The following ST6GALNAC3 variants were observed in gnomAD, a reference collection of about 807,000 sequenced individuals.
ST6GALNAC3 encodes the protein ST6 N-acetylgalactosaminide alpha-2,6-sialyltransferase 3.
Under a neutral mutation model 32.7 loss-of-function variants are expected in ST6GALNAC3, and 25 were observed. The ratio of observed to expected loss-of-function variants is 0.76; its 90% CI spans 0.56 to 1.07. The LOEUF (loss-of-function observed/expected upper bound fraction) is 1.07, where lower values mean the gene tolerates loss of function less well. ST6GALNAC3 is among the 50% of genes least tolerant of loss of function. The probability of loss-of-function intolerance (pLI) is 0.00; values close to 1 mark genes in which losing one functional copy is unlikely to be tolerated. For missense variants in ST6GALNAC3, 355 were observed against 382.4 expected (o/e 0.93, Z 0.60); for synonymous variants, 129 against 133.1 (o/e 0.97, Z 0.21).
intron 3 of ST6GALNAC3, among the ~76,000 whole-genome samples, chr1:76,457,381 A>G (rs534081442): frequency 1.6e-4 from 25 of 152,278 alleles, no homozygotes; most frequent in Admixed American, 1.0e-3. Flanking sequence ...ACCAAAAAGG[A>G]GCCCGCATCG....
chr1:76,426,825 A>G (rs769086890), intron 3 of ST6GALNAC3, among the ~76,000 whole-genome samples: 10 of 151,954 alleles, frequency 6.6e-5, no homozygotes, highest in Admixed American at 2.0e-4. Flanking sequence ...TCAGTTGGCT[A>G]TAGGAATTTT....
chr1:76,075,132 C>A (rs1282867521), intron 1 of ST6GALNAC3, among the ~76,000 whole-genome samples: 2 of 152,204 alleles, frequency 1.3e-5, no homozygotes, highest in East Asian at 3.9e-4. Context: ...ACTGTTGGCT[C>A]CAGGGGAGAG....
intron 1 of ST6GALNAC3, among the ~76,000 whole-genome samples, chr1:76,151,470 T>C (rs76682610): frequency 2.0e-3 from 297 of 152,222 alleles, no homozygotes; most frequent in African/African-American, 6.9e-3. Context: ...AGAGGCAGGA[T>C]TCCAGTGTAC....
chr1:76,426,585 A>C (rs1404819169), intron 3 of ST6GALNAC3, among the ~76,000 whole-genome samples: 2 of 151,396 alleles, frequency 1.3e-5, no homozygotes, highest in African/African-American at 2.4e-5. Flanking sequence ...ATATATAGGG[A>C]GAGAGAGAAA....
At chr1:76,182,540 G>A (rs751425497) in intron 1 of ST6GALNAC3, among the ~76,000 whole-genome samples, 1 of 152,118 alleles carries the variant, frequency 6.6e-6, no homozygotes, top group Non-Finnish European at 1.5e-5. Context: ...TGTGTGTGTT[G>A]TGGGGGGTAT....
At chr1:76,133,658 T>C (rs1557643474) in intron 1 of ST6GALNAC3, among the ~76,000 whole-genome samples, 1 of 152,226 alleles carries the variant, frequency 6.6e-6, no homozygotes, top group Non-Finnish European at 1.5e-5. Context: ...GTAAGTATCT[T>C]TGGCAAACCT....
intron 1 of ST6GALNAC3, among the ~76,000 whole-genome samples, chr1:76,121,813 C>T (rs1432488812): frequency 1.3e-5 from 2 of 152,180 alleles, no homozygotes; most frequent in Admixed American, 6.5e-5. Flanking sequence ...ACCTGTATTC[C>T]TTCTAATAGT....
intron 2 of ST6GALNAC3, among the ~76,000 whole-genome samples, chr1:76,400,690 C>A (rs1024494245): frequency 1.3e-5 from 2 of 151,824 alleles, no homozygotes; most frequent in Non-Finnish European, 2.9e-5. Flanking sequence ...AGTTTGAGAC[C>A]AGCCTGGCCA....
In ST6GALNAC3 at chr1:76,629,112, T is replaced by C. The variant is rs1379052122; in HGVS notation, c.*306T>C. ...TGTGACCTAAGAAATGGGAAGATTA[T>C]CTTTCAAGATAGCTGCCTAGAATTG... On this transcript the variant is annotated 3_prime_UTR_variant, in exon 5 of 5. Coordinates refer to ENST00000328299, the MANE Select transcript of ST6GALNAC3 (RefSeq NM_152996.4). 20 of 1,109,734 alleles carry C rather than the reference T, an allele frequency of 1.8e-5. No homozygotes were observed. The highest frequency in any genetic ancestry group is 3.4e-5 in the African/African-American group (2 of 59,694). 68.7% of individuals were successfully genotyped at this position (1,109,734 alleles called of 1,614,324 possible).
chr1:76,233,215 A>G (rs1347223299), intron 1 of ST6GALNAC3, among the ~76,000 whole-genome samples: 2 of 152,182 alleles, frequency 1.3e-5, no homozygotes, highest in Admixed American at 6.5e-5. Flanking sequence ...ACCAGAGGCC[A>G]GTTTAGTTAG....
At chr1:76,326,153 G>T (rs1647064860) in intron 2 of ST6GALNAC3, among the ~76,000 whole-genome samples, 1 of 152,130 alleles carries the variant, frequency 6.6e-6, no homozygotes, top group Non-Finnish European at 1.5e-5. Context: ...GTTGGGTCCT[G>T]GTCTGTTTCA....
At chr1:76,295,614 G>T (rs1660355911) in intron 1 of ST6GALNAC3, among the ~76,000 whole-genome samples, 1 of 152,044 alleles carries the variant, frequency 6.6e-6, no homozygotes. Flanking sequence ...ACCTTGAATT[G>T]AATTGACATA....
chr1:76,444,653 T>TA (rs1656845224), intron 3 of ST6GALNAC3, among the ~76,000 whole-genome samples: 1 of 152,178 alleles, frequency 6.6e-6, no homozygotes, highest in Non-Finnish European at 1.5e-5. Context: ...TGGACTCTGG[T>TA]AGGGAGCCAC....
chr1:76,631,625 G>GA lies in ST6GALNAC3; in HGVS notation c.*2824dup, dbSNP rs1649303380. 1 of 151,986 alleles carries GA rather than the reference G, an allele frequency of 6.6e-6. No individual in the cohort carries two copies. The allele number at this position is 151,986 out of a possible 1,614,324, so 9.4% of individuals were successfully genotyped here. ...ATATTCTATCCAACATTTAAACATT[G>GA]AAAAATTTAACTGAACTTACTTATC... On this transcript the variant is annotated 3_prime_UTR_variant, in exon 5 of 5. Transcript: ENST00000328299.
chr1:76,395,508 A>G (rs2101177499), intron 2 of ST6GALNAC3, among the ~76,000 whole-genome samples: 2 of 152,298 alleles, frequency 1.3e-5, no homozygotes, highest in South Asian at 4.1e-4. Flanking sequence ...ATTGCACCAC[A>G]ATGCACAATA....
chr1:76,378,801 G>A (rs182039354), intron 2 of ST6GALNAC3, among the ~76,000 whole-genome samples: 118 of 152,242 alleles, frequency 7.8e-4, no homozygotes, highest in Middle Eastern at 3.4e-3. Flanking sequence ...TCCTTAGGGT[G>A]GTGTTTTTTT....
intron 1 of ST6GALNAC3, among the ~76,000 whole-genome samples, chr1:76,211,004 A>T (rs533442218): frequency 1.3e-5 from 2 of 152,342 alleles, no homozygotes; most frequent in East Asian, 3.9e-4. Flanking sequence ...GATTACAGGC[A>T]TGAGCCATTG....
rs1338731101 is a variant in ST6GALNAC3, at chr1:76,528,321, A to T, written c.624-99131A>T. Among the ~76,000 whole-genome samples, 3 of 152,138 alleles carry T rather than the reference A, an allele frequency of 2.0e-5. No individual in the cohort carries two copies. In the East Asian group the frequency reaches 5.8e-4, roughly 29 times the overall value. ...GGCTATCCTGTAGAAACTGACACTGACACTCAGAGAGATTGAGACGCTTGC... is the reference window on the plus strand; with the variant it reads ...GGCTATCCTGTAGAAACTGACACTGTCACTCAGAGAGATTGAGACGCTTGC... On this transcript the variant is annotated intron_variant, in intron 3 of 4. Transcript: ENST00000328299.
chr1:76,229,116 G>A (rs1656225149), intron 1 of ST6GALNAC3, among the ~76,000 whole-genome samples: 1 of 152,088 alleles, frequency 6.6e-6, no homozygotes, highest in Non-Finnish European at 1.5e-5. Flanking sequence ...CCCACAACCT[G>A]CAGCAACCCG....
Sources: gnomAD v4.1 joint callset for allele counts (sites outside exome capture counted in the v4.1 genomes callset) on GRCh38, gnomAD v4.1.1 for gene constraint, MANE v1.5 for transcripts, NCBI Gene and HGNC (gene_info 2026-07-23, HGNC 2026-07-21) for gene names.